The following SPI1 variants were observed in gnomAD, a reference collection of about 807,000 sequenced individuals.
SPI1 encodes the protein Spi-1 proto-oncogene.
SPI1 carries 3 observed loss-of-function variants against 30.7 expected under a neutral mutation model. The ratio of observed to expected loss-of-function variants is 0.10; its 90% confidence interval spans 0.04 to 0.25. The LOEUF is 0.25. SPI1 is among the 10% of genes least tolerant of loss of function. The probability of loss-of-function intolerance (pLI) is 1.00; values close to 1 mark genes in which losing one functional copy is unlikely to be tolerated. For missense variants in SPI1, 261 were observed against 371.5 expected, an observed-to-expected ratio of 0.70 and a Z score of 2.45; for synonymous variants, 169 against 157.1, an observed-to-expected ratio of 1.08 and a Z score of -0.56.
chr11:47,369,610 A>G (rs1029077951), intron 2 of SPI1, among the ~76,000 whole-genome samples: 4 of 152,114 alleles, frequency 2.6e-5, no homozygotes, highest in Non-Finnish European at 5.9e-5. Flanking sequence ...GTTAATTATA[A>G]AAGAAATTTA....
At chr11:47,365,194 T>C (rs1214064036) in intron 2 of SPI1, among the ~76,000 whole-genome samples, 1 of 152,198 alleles carries the variant, frequency 6.6e-6, no homozygotes, top group African/African-American at 2.4e-5. Context: ...TATTTCTTTA[T>C]GTCCCTTCAC....
In SPI1 at chr11:47,375,798, G is replaced by T; in HGVS notation, c.46-69C>A. 1 of 1,253,300 alleles carries T rather than the reference G, an allele frequency of 8.0e-7. No individual in the cohort carries two copies. The highest frequency in any genetic ancestry group is 1.2e-6 in the Non-Finnish European group (1 of 853,384). 77.6% of individuals were successfully genotyped at this position (1,253,300 alleles called of 1,614,324 possible). A position where few individuals can be genotyped will look rare whatever the true frequency, so the allele number is the denominator to read the frequency against. On this transcript the variant is annotated intron_variant, in intron 1 of 4. Transcript: ENST00000378538. The surrounding 1 kb of genome is among the most constrained non-coding windows in gnomAD (Gnocchi z 4.2). ...CCCCAGCCAGGCCTGCAGCACCCCC[G>T]CACGCTGGGTCCCCATCACCTTCCC...
At chr11:47,376,760 G>C (rs534545490) in intron 1 of SPI1, among the ~76,000 whole-genome samples, 1 of 152,144 alleles carries the variant, frequency 6.6e-6, no homozygotes, top group South Asian at 2.1e-4. Flanking sequence ...CCCCCGCAGC[G>C]TGTGGCCCAG....
chr11:47,356,682 A>G (rs1401947151), intron 4 of SPI1, among the ~76,000 whole-genome samples: 1 of 150,646 alleles, frequency 6.6e-6, no homozygotes, highest in Non-Finnish European at 1.5e-5. Context: ...CACACCTTAC[A>G]TTGCTCACCC....
At chr11:47,376,749 G>A (rs376737848) in intron 1 of SPI1, among the ~76,000 whole-genome samples, 5 of 152,090 alleles carry the variant, frequency 3.3e-5, no homozygotes, top group South Asian at 4.2e-4. Context: ...AGGCCTCCCC[G>A]CCCCCGCAGC....
intron 2 of SPI1, among the ~76,000 whole-genome samples, chr11:47,373,300 C>T (rs1177539867): frequency 2.6e-5 from 4 of 151,496 alleles, no homozygotes; most frequent in Non-Finnish European, 4.4e-5. Flanking sequence ...TGCAGTGAGC[C>T]AAGATTGTGC....
At chr11:47,376,669 C>G (rs1286620656) in intron 1 of SPI1, among the ~76,000 whole-genome samples, 2 of 151,958 alleles carry the variant, frequency 1.3e-5, no homozygotes, top group African/African-American at 4.8e-5. Flanking sequence ...CCTCCCTCCT[C>G]CCTGTCCTCC....
At chr11:47,372,839 C>T (rs2095937674) in intron 2 of SPI1, among the ~76,000 whole-genome samples, 2 of 152,160 alleles carry the variant, frequency 1.3e-5, no homozygotes, top group Non-Finnish European at 2.9e-5. Context: ...TATTTTCATG[C>T]TGTCAGTTTT....
chr11:47,377,006 T>C (rs2095943282), intron 1 of SPI1, among the ~76,000 whole-genome samples: 1 of 152,154 alleles, frequency 6.6e-6, no homozygotes, highest in Non-Finnish European at 1.5e-5. Context: ...CAGAATTGGC[T>C]CTTTCTGAGA....
In SPI1 at chr11:47,354,993, C is replaced by G. The variant is rs10747; in HGVS notation, c.*234G>C. The G allele has an allele frequency of 0.028, 9,234 of 335,670 alleles. 141 individuals are homozygous for G. Among genetic ancestry groups the G allele is most frequent in the Non-Finnish European group, 0.035 (6,663 of 189,364 alleles). 20.8% of individuals were successfully genotyped at this position (335,670 alleles called of 1,614,324 possible). A position where few individuals can be genotyped will look rare whatever the true frequency, so the allele number is the denominator to read the frequency against. On this transcript the variant is annotated 3_prime_UTR_variant, in exon 5 of 5. Transcript: ENST00000378538. ...CGGGTCGTCCTCTGCAAGGTTGCCC[C>G]GGTGGGGTCTGACGCCCAGCTGGCG...
intron 2 of SPI1, among the ~76,000 whole-genome samples, chr11:47,362,514 GTGAGCTA>G (rs1315888191): frequency 6.6e-6 from 1 of 151,252 alleles, no homozygotes; most frequent in Non-Finnish European, 1.5e-5. Context: ...TGAGGCTGCA[GTGAGCTA>G]TGATTACATC....
chr11:47,359,819 T>G lies in SPI1; in HGVS notation c.330+34A>C. ...CCGGGCCCCACCACAGGCCTGGCAG[T>G]CTCCTGGGGGACGGGGCAGGCGGTG... On this transcript the variant is annotated intron_variant, in intron 3 of 4. Transcript: ENST00000378538. The surrounding 1 kb of genome is among the most constrained non-coding windows in gnomAD (Gnocchi z 5.1). 6.3e-7 allele frequency: 1 copy of G among 1,596,464 alleles called. No homozygotes were observed. The highest frequency in any genetic ancestry group is 2.2e-5 in the East Asian group (1 of 44,800).
intron 2 of SPI1, among the ~76,000 whole-genome samples, chr11:47,371,663 G>A (rs1237285512): frequency 9.6e-5 from 12 of 124,650 alleles, no homozygotes; most frequent in Non-Finnish European, 1.6e-4. Flanking sequence ...GTGAAACTCC[G>A]TCTTAAAAAA....
intron 4 of SPI1, 115 bp from the exon 5 acceptor site, chr11:47,355,661 C>G: frequency 9.1e-6 from 8 of 879,728 alleles, no homozygotes; most frequent in Non-Finnish European, 1.3e-5. Context: ...GGCAGGGGAA[C>G]GGCTGCCCCA....
At chr11:47,356,865 CAT>C (rs538216435) in intron 4 of SPI1, among the ~76,000 whole-genome samples, 54 of 150,998 alleles carry the variant, frequency 3.6e-4, no homozygotes, top group African/African-American at 9.3e-4. Context: ...TGCTCACACA[CAT>C]CTCACATTAC....
At chr11:47,376,393 C>T (rs1405678226) in intron 1 of SPI1, among the ~76,000 whole-genome samples, 1 of 152,112 alleles carries the variant, frequency 6.6e-6, no homozygotes, top group East Asian at 1.9e-4. Context: ...ACAGCCTATG[C>T]CTCTCACACA....
At chr11:47,367,204 A>AGATG (rs748565791) in intron 2 of SPI1, among the ~76,000 whole-genome samples, 24 of 152,012 alleles carry the variant, frequency 1.6e-4, no homozygotes, top group East Asian at 3.8e-4. Context: ...TTGGATGGAT[A>AGATG]GATGGATGGA....
chr11:47,359,104 G>A lies in SPI1; in HGVS notation c.331-98C>T, dbSNP rs2095916814. 3.4e-6 allele frequency: 4 copies of A among 1,171,164 alleles called. No homozygotes were observed. The highest frequency in any genetic ancestry group is 1.5e-5 in the African/African-American group (1 of 65,426). The allele number at this position is 1,171,164 out of a possible 1,614,324, so 72.5% of individuals were successfully genotyped here. A position where few individuals can be genotyped will look rare whatever the true frequency, so the allele number is the denominator to read the frequency against. ...AGCTGGGGAGAGAAGGAGTGCAGAG[G>A]GCAGGGGACAATGGCAGGCACAGGA... On this transcript the variant is annotated intron_variant, in intron 3 of 4. Coordinates refer to ENST00000378538, the MANE Select transcript of SPI1 (RefSeq NM_003120.3). The surrounding 1 kb of genome is among the most constrained non-coding windows in gnomAD (Gnocchi z 5.1).
intron 4 of SPI1, among the ~76,000 whole-genome samples, chr11:47,357,235 T>C (rs938393810): frequency 1.3e-5 from 2 of 149,440 alleles, no homozygotes; most frequent in Non-Finnish European, 3.0e-5. Flanking sequence ...ACACATATGC[T>C]CACACATCAC....
Sources: gnomAD v4.1 joint callset for allele counts (sites outside exome capture counted in the v4.1 genomes callset) on GRCh38, gnomAD v4.1.1 for gene constraint, Gnocchi (gnomAD v3.1) non-coding constraint, MANE v1.5 for transcripts, NCBI Gene and HGNC (gene_info 2026-07-23, HGNC 2026-07-21) for gene names.